Variants in NADK2 observed in about 807,000 individuals in gnomAD.
The protein encoded by NADK2 is NAD kinase domain-containing protein 1, mitochondrial.
NADK2 carries 35 observed loss-of-function variants against 62.1 expected under a neutral mutation model. The ratio of observed to expected loss-of-function variants is 0.56; its 90% confidence interval spans 0.43 to 0.75. The LOEUF (loss-of-function observed/expected upper bound fraction) is 0.75, where lower values mean the gene tolerates loss of function less well. Among genes scored for constraint, NADK2 ranks in the 30% least tolerant of loss-of-function variants. NADK2 has a pLI of 0.00. For synonymous variants in NADK2, 205 were observed against 207.9 expected, an observed-to-expected ratio of 0.99 and a Z score of 0.12; for missense variants, 439 against 561.3, an observed-to-expected ratio of 0.78 and a Z score of 2.20.
chr5:36,199,521 G>A (rs150424515), intron 10 of NADK2, among the ~76,000 whole-genome samples: 16 of 152,186 alleles, frequency 1.1e-4, no homozygotes, highest in Non-Finnish European at 1.8e-4. Flanking sequence ...GATCCTGGTA[G>A]ATAGTAGACT....
chr5:36,207,291 T>A, intron 7 of NADK2, 26 bp from the exon 8 acceptor site: 1 of 1,541,506 alleles, frequency 6.5e-7, no homozygotes, highest in Non-Finnish European at 8.9e-7. Context: ...ATAAAACTGT[T>A]TGCTGAGCTT....
intron 7 of NADK2, among the ~76,000 whole-genome samples, chr5:36,207,936 T>C (rs1746700494): frequency 6.6e-6 from 1 of 152,108 alleles, no homozygotes; most frequent in Non-Finnish European, 1.5e-5. Flanking sequence ...ATGGCACTAT[T>C]CTTTAACTCC....
intron 10 of NADK2, among the ~76,000 whole-genome samples, chr5:36,198,634 T>TTA (rs1274968045): frequency 1.3e-5 from 2 of 148,196 alleles, no homozygotes; most frequent in Non-Finnish European, 3.0e-5. Context: ...CATCCTTAAT[T>TTA]TATATATATA....
Position 36,241,857 on chromosome 5 carries a change from G to A in NADK2, c.-59C>T. ...GGGCCCCTTGCCTCAGCTCCCTACC[G>A]CCGGGAGTGCGCGCCGTCCGCGCCG... On this transcript the variant is annotated 5_prime_UTR_variant, in exon 1 of 12. Transcript: ENST00000381937. This position sits in a 1 kb window ranked among gnomAD's most constrained non-coding sequence, Gnocchi z 4.9. 8.5e-7 allele frequency: 1 copy of A among 1,171,022 alleles called. No individual in the cohort carries two copies. Among genetic ancestry groups the A allele is most frequent in the South Asian group, 2.8e-5 (1 of 36,090 alleles). The allele number at this position is 1,171,022 out of a possible 1,614,324, so 72.5% of individuals were successfully genotyped here. A position where few individuals can be genotyped will look rare whatever the true frequency, so the allele number is the denominator to read the frequency against.
At chr5:36,215,527 T>C (rs1747010031) in intron 6 of NADK2, among the ~76,000 whole-genome samples, 2 of 152,290 alleles carry the variant, frequency 1.3e-5, no homozygotes, top group South Asian at 2.1e-4. Context: ...CCTACTATGC[T>C]ATTGAACGTT....
intron 5 of NADK2, 105 bp downstream of exon 5, chr5:36,219,491 G>C: frequency 1.0e-6 from 1 of 964,558 alleles, no homozygotes; most frequent in Non-Finnish European, 1.6e-6. Flanking sequence ...GATTACAGGC[G>C]TGAGATACCG....
At chr5:36,236,867 CAAAA>C (rs5867308) in intron 1 of NADK2, among the ~76,000 whole-genome samples, 1 of 95,706 alleles carries the variant, frequency 1.0e-5, no homozygotes, top group Non-Finnish European at 2.0e-5. Flanking sequence ...AGCTTAACCT[CAAAA>C]AAAAAAAAAA....
At chr5:36,218,802 C>T (rs1747143308) in intron 5 of NADK2, among the ~76,000 whole-genome samples, 1 of 152,142 alleles carries the variant, frequency 6.6e-6, no homozygotes, top group Non-Finnish European at 1.5e-5. Context: ...ATCCCCACTG[C>T]TTAAGAAATA....
chr5:36,197,129 G>A (rs990411639), intron 11 of NADK2, among the ~76,000 whole-genome samples: 10 of 151,964 alleles, frequency 6.6e-5, no homozygotes. Context: ...AAACCTAGAA[G>A]AAATGAATAC....
At chr5:36,201,199 T>C (rs965356733) in intron 8 of NADK2, 38 bp from the exon 9 acceptor site, 2 of 1,543,140 alleles carry the variant, frequency 1.3e-6, no homozygotes, top group Non-Finnish European at 8.9e-7. Context: ...GTTTTAATTC[T>C]AAAAACATGC....
At position 36,241,128 on chromosome 5, in the gene NADK2, G is replaced by C. The variant is rs146440572; in HGVS notation, c.300+371C>G. Among the ~76,000 whole-genome samples, 1,111 of 152,272 alleles carry C rather than the reference G, an allele frequency of 7.3e-3. 11 individuals carry two copies. The highest frequency in any genetic ancestry group is 0.012 in the Non-Finnish European group (842 of 68,020). On this transcript the variant is annotated intron_variant, in intron 1 of 11. Coordinates refer to ENST00000381937, the MANE Select transcript of NADK2 (RefSeq NM_001085411.3). This position sits in a 1 kb window ranked among gnomAD's most constrained non-coding sequence, Gnocchi z 4.9. Reference sequence around the variant, plus strand: ...CCTCAGGCCACTGGCTCACTTTCTTGGAGTGGGTCCCAACCAGGGAACGAG... The same window carrying C: ...CCTCAGGCCACTGGCTCACTTTCTTCGAGTGGGTCCCAACCAGGGAACGAG...
chr5:36,208,713 A>C, intron 7 of NADK2: 1 of 1,455,438 alleles, frequency 6.9e-7, no homozygotes, highest in South Asian at 1.3e-5. Context: ...AAATAGGAGA[A>C]AAGAAAACAA....
chr5:36,234,205 T>G (rs1218299579), intron 1 of NADK2, among the ~76,000 whole-genome samples: 1 of 151,144 alleles, frequency 6.6e-6, no homozygotes, highest in African/African-American at 2.4e-5. Context: ...AAACCCCGTC[T>G]CTACTAAAAA....
chr5:36,203,449 G>C (rs932820387), intron 8 of NADK2, among the ~76,000 whole-genome samples: 3 of 152,108 alleles, frequency 2.0e-5, no homozygotes, highest in African/African-American at 4.8e-5. Context: ...TAATGGAAGA[G>C]GGGAGAACAT....
intron 6 of NADK2, among the ~76,000 whole-genome samples, chr5:36,215,228 AAT>A (rs753717202): frequency 2.6e-5 from 4 of 152,054 alleles, no homozygotes; most frequent in Non-Finnish European, 4.4e-5. Context: ...TTTTACCATT[AAT>A]TATGTGAAAC....
At chr5:36,226,405 A>T in intron 3 of NADK2, 70 bp downstream of exon 3, 3 of 1,214,146 alleles carry the variant, frequency 2.5e-6, no homozygotes, top group Non-Finnish European at 3.6e-6. Flanking sequence ...GCTAGACCCT[A>T]GGGTATCTGG....
At chr5:36,197,351 A>G (rs747664007) in intron 11 of NADK2, among the ~76,000 whole-genome samples, 190 bp downstream of exon 11, 5 of 152,088 alleles carry the variant, frequency 3.3e-5, no homozygotes, top group Admixed American at 6.6e-5. Context: ...AAATGGCACA[A>G]TGAGTGTAAA....
In NADK2 at chr5:36,195,034, C is replaced by T. The variant is rs971052433; in HGVS notation, c.*110G>A. On this transcript the variant is annotated 3_prime_UTR_variant, in exon 12 of 12. Coordinates refer to ENST00000381937, the MANE Select transcript of NADK2 (RefSeq NM_001085411.3). The stretch of plus-strand genomic sequence containing the variant: ...AATGCAAATCTCACTTCTGAGCCCA[C>T]GGGCAAGCAGTCTCAACAATAACCA... The T allele has an allele frequency of 1.5e-5, 17 of 1,135,592 alleles. No individual in the cohort carries two copies. In the South Asian group the frequency reaches 1.6e-4, roughly 11 times the overall value. 70.3% of individuals were successfully genotyped at this position (1,135,592 alleles called of 1,614,324 possible).
Position 36,241,801 on chromosome 5 carries a change from T to TGGGCC in NADK2, c.-8_-4dup, listed in dbSNP as rs1462863656. 3 of 1,317,128 alleles carry TGGGCC rather than the reference T, an allele frequency of 2.3e-6. No homozygotes were observed. The highest frequency in any genetic ancestry group is 2.9e-6 in the Non-Finnish European group (3 of 1,033,140). The allele number at this position is 1,317,128 out of a possible 1,614,324, so 81.6% of individuals were successfully genotyped here. A position where few individuals can be genotyped will look rare whatever the true frequency, so the allele number is the denominator to read the frequency against. ...AAGAAGCCTCGGTAGCAAGTCATCG[T>TGGGCC]GGGCCGGGCCGCGGCCGCGGGCTTG... On this transcript the variant is annotated 5_prime_UTR_variant, in exon 1 of 12. Transcript: ENST00000381937. The surrounding 1 kb of genome is among the most constrained non-coding windows in gnomAD (Gnocchi z 4.9).
Sources: gnomAD v4.1 joint callset for allele counts (sites outside exome capture counted in the v4.1 genomes callset) on GRCh38, gnomAD v4.1.1 for gene constraint, Gnocchi (gnomAD v3.1) non-coding constraint, MANE v1.5 for transcripts, NCBI Gene and HGNC (gene_info 2026-07-23, HGNC 2026-07-21) for gene names.